Variants in ZNRF1 observed in about 807,000 individuals in gnomAD.
ZNRF1 encodes E3 ubiquitin-protein ligase ZNRF1.
In ZNRF1, 3 loss-of-function variants were observed where a neutral mutation model predicts 18.4. That is an observed-to-expected ratio of 0.16 (90% CI 0.07 to 0.42). The LOEUF (loss-of-function observed/expected upper bound fraction) is 0.42. Ranked by LOEUF, ZNRF1 falls within the 10% of genes least tolerant of loss-of-function variation. The pLI is 0.99. For missense variants in ZNRF1, 310 were observed against 329.8 expected (o/e 0.94, Z 0.47); for synonymous variants, 157 against 144.2 (o/e 1.09, Z -0.64).
chr16:75,071,544 A>G (rs2035870852), intron 1 of ZNRF1, among the ~76,000 whole-genome samples: 1 of 152,124 alleles, frequency 6.6e-6, no homozygotes, highest in Non-Finnish European at 1.5e-5. Context: ...GGGTCTTGAA[A>G]TAGGCAGTGG....
chr16:75,004,463 C>T (rs550567841), intron 1 of ZNRF1, among the ~76,000 whole-genome samples: 2 of 152,096 alleles, frequency 1.3e-5, no homozygotes, highest in Non-Finnish European at 2.9e-5. Context: ...TTTCTAGGTT[C>T]TACTATAAAA....
intron 2 of ZNRF1, among the ~76,000 whole-genome samples, chr16:75,099,183 T>C (rs2036230067): frequency 6.6e-6 from 1 of 152,318 alleles, no homozygotes; most frequent in African/African-American, 2.4e-5. Flanking sequence ...CATCACCACT[T>C]AGCAGCTGCA....
chr16:75,096,060 A>ATGTGTGTGTGTGTG (rs1567494278), intron 2 of ZNRF1, among the ~76,000 whole-genome samples: 1 of 86,054 alleles, frequency 1.2e-5, no homozygotes, highest in African/African-American at 5.8e-5. Flanking sequence ...GTATGTGTGC[A>ATGTGTGTGTGTGTG]CGTGTGTGTG....
chr16:75,026,210 C>G (rs1038411338), intron 1 of ZNRF1, among the ~76,000 whole-genome samples: 1 of 151,788 alleles, frequency 6.6e-6, no homozygotes. Flanking sequence ...TGTGTTTAAA[C>G]GAACATTTAA....
intron 1 of ZNRF1, among the ~76,000 whole-genome samples, chr16:75,025,629 C>T (rs974520651): frequency 5.3e-5 from 8 of 152,130 alleles, no homozygotes; most frequent in African/African-American, 1.9e-4. Flanking sequence ...AATAATAAGC[C>T]AGCAAAGAGC....
intron 1 of ZNRF1, among the ~76,000 whole-genome samples, chr16:75,041,216 G>A (rs1412840115): frequency 1.3e-5 from 2 of 152,212 alleles, no homozygotes; most frequent in Non-Finnish European, 2.9e-5. Context: ...ATGGGCAATG[G>A]TTGAGAGTTC....
intron 1 of ZNRF1, among the ~76,000 whole-genome samples, chr16:75,079,277 C>T (rs983278346): frequency 2.6e-5 from 4 of 152,096 alleles, no homozygotes; most frequent in African/African-American, 9.7e-5. Context: ...GTCAAAAGAT[C>T]AAGACCATCC....
At chr16:75,082,324 G>C (rs886611098) in intron 1 of ZNRF1, among the ~76,000 whole-genome samples, 1 of 152,092 alleles carries the variant, frequency 6.6e-6, no homozygotes, top group African/African-American at 2.4e-5. Context: ...AAGGGAAGAG[G>C]ACCAATGAAT....
Position 75,062,640 on chromosome 16 carries a change from C to T in ZNRF1, c.425-30932C>T, listed in dbSNP as rs1350737674. ...GCGGCAAGATGACTGTTCCTGCGGT[C>T]CTCAGTCTTTCATGACTTTGTGAGA... On this transcript the variant is annotated intron_variant, in intron 1 of 4. Coordinates refer to ENST00000335325, the MANE Select transcript of ZNRF1 (RefSeq NM_032268.5). Among the ~76,000 whole-genome samples, 7 of 152,354 alleles carry T rather than the reference C, an allele frequency of 4.6e-5. No individual in the cohort carries two copies. In the East Asian group the frequency reaches 5.8e-4, roughly 13 times the overall value.
chr16:75,039,279 CTTTTT>C (rs770182095), intron 1 of ZNRF1, among the ~76,000 whole-genome samples: 3 of 147,850 alleles, frequency 2.0e-5, no homozygotes, highest in African/African-American at 7.4e-5. Flanking sequence ...GTTTGGAAAA[CTTTTT>C]TTTTTAATGT....
chr16:75,091,500 T>C (rs1223462879), intron 1 of ZNRF1, among the ~76,000 whole-genome samples: 1 of 151,852 alleles, frequency 6.6e-6, no homozygotes, highest in Non-Finnish European at 1.5e-5. Context: ...TGGGAGACTC[T>C]GACCCCCACA....
At chr16:75,103,712 C>T (rs1440339183) in intron 2 of ZNRF1, among the ~76,000 whole-genome samples, 3 of 152,110 alleles carry the variant, frequency 2.0e-5, no homozygotes, top group South Asian at 2.1e-4. Flanking sequence ...ACGGGTCAGG[C>T]GTGGTGGCTC....
intron 1 of ZNRF1, among the ~76,000 whole-genome samples, chr16:75,003,766 G>A (rs1164321022): frequency 6.6e-6 from 1 of 152,138 alleles, no homozygotes. Flanking sequence ...CCTTGGGCAA[G>A]CGAGTCATTT....
chr16:75,040,605 T>G (rs1157504010), intron 1 of ZNRF1, among the ~76,000 whole-genome samples: 5 of 135,650 alleles, frequency 3.7e-5, no homozygotes, highest in Non-Finnish European at 7.9e-5. Context: ...TGGGTTTTTT[T>G]TTTTTTTTTT....
chr16:75,006,372 G>A (rs2034917069), intron 1 of ZNRF1, among the ~76,000 whole-genome samples: 1 of 152,142 alleles, frequency 6.6e-6, no homozygotes, highest in Admixed American at 6.5e-5. Flanking sequence ...GATCACTAAG[G>A]TTGTGGTTCT....
chr16:75,068,957 C>T (rs2035836394), intron 1 of ZNRF1, among the ~76,000 whole-genome samples: 1 of 151,848 alleles, frequency 6.6e-6, no homozygotes, highest in African/African-American at 2.4e-5. Flanking sequence ...TTCGAGGGTC[C>T]CACCCCCTCC....
At chr16:75,022,576 C>A (rs1324030635) in intron 1 of ZNRF1, among the ~76,000 whole-genome samples, 1 of 150,306 alleles carries the variant, frequency 6.7e-6, no homozygotes, top group African/African-American at 2.5e-5. Context: ...AAAAAAAAAA[C>A]AAAACAAAAA....
chr16:75,052,868 T>G (rs2035622505), intron 1 of ZNRF1, among the ~76,000 whole-genome samples: 1 of 152,252 alleles, frequency 6.6e-6, no homozygotes, highest in Non-Finnish European at 1.5e-5. Flanking sequence ...TTGCATGATC[T>G]CTTTTGTGAT....
At chr16:75,059,703 G>C (rs1404763725) in intron 1 of ZNRF1, among the ~76,000 whole-genome samples, 1 of 152,016 alleles carries the variant, frequency 6.6e-6, no homozygotes, top group Non-Finnish European at 1.5e-5. Flanking sequence ...AGAAGTGTTT[G>C]GAGCCAAAAG....
Sources: gnomAD v4.1 joint callset for allele counts (sites outside exome capture counted in the v4.1 genomes callset) on GRCh38, gnomAD v4.1.1 for gene constraint, MANE v1.5 for transcripts, NCBI Gene and HGNC (gene_info 2026-07-23, HGNC 2026-07-21) for gene names.